BLK: variants seen among roughly 807,000 people sequenced by gnomAD.
BLK encodes tyrosine-protein kinase Blk.
Under a neutral mutation model 61.8 loss-of-function variants are expected in BLK, and 64 were observed. The observed-to-expected ratio is 1.03, with a 90% CI of 0.85 to 1.27. The LOEUF (loss-of-function observed/expected upper bound fraction) is 1.27. Among genes scored for constraint, BLK ranks in the 50% most tolerant of loss-of-function variants. The pLI is 0.00. For missense variants in BLK, 853 were observed against 660.5 expected (o/e 1.29, Z -3.19); for synonymous variants, 351 against 272.0 (o/e 1.29, Z -2.86).
chr8:11,552,883 C>T (rs1800974167), intron 6 of BLK: 1 of 152,552 alleles, frequency 6.6e-6, no homozygotes, highest in Non-Finnish European at 1.5e-5. Flanking sequence ...TCATCACCAC[C>T]ACACGCACAT....
chr8:11,559,480 CACAA>C (rs1801385457), intron 10 of BLK, among the ~76,000 whole-genome samples: 1 of 150,592 alleles, frequency 6.6e-6, no homozygotes, highest in Non-Finnish European at 1.5e-5. Flanking sequence ...CACAAACTCA[CACAA>C]ACACATTTAC....
intron 9 of BLK, 178 bp from the exon 10 acceptor site, chr8:11,557,784 T>G (rs1801302789): frequency 4.9e-6 from 3 of 613,554 alleles, no homozygotes; most frequent in Non-Finnish European, 9.0e-6. Context: ...GACTGGCATT[T>G]TGTAAAGTGG....
chr8:11,503,881 C>T (rs750567254), intron 1 of BLK, among the ~76,000 whole-genome samples: 12 of 152,190 alleles, frequency 7.9e-5, no homozygotes, highest in Non-Finnish European at 1.6e-4. Context: ...CGGCACTCCA[C>T]GTTGCCACCC....
intron 1 of BLK, among the ~76,000 whole-genome samples, chr8:11,517,473 C>T (rs185149852): frequency 3.3e-5 from 5 of 152,284 alleles, no homozygotes; most frequent in South Asian, 2.1e-4. Context: ...CTTTCCCTGG[C>T]CCCTTTTTGG....
At position 11,543,324 on chromosome 8, in the gene BLK, G is replaced by C. The variant is rs767040828; in HGVS notation, c.100G>C (p.Asp34His). 6.2e-7 allele frequency: 1 copy of C among 1,612,172 alleles called. No individual in the cohort carries two copies. Among genetic ancestry groups the C allele is most frequent in the Non-Finnish European group, 8.5e-7 (1 of 1,179,592 alleles). Residue 34 changes from aspartate (D) to histidine (H), a missense_variant, in exon 2 of 13, where the codon GAC becomes CAC. Coordinates refer to ENST00000259089, the MANE Select transcript of BLK (RefSeq NM_001715.3). Reference sequence around the variant, plus strand: ...CCTGAAGGTCAGCGCCCAAGACAAGGACGCCCCGCCACTGCCGCCCCTGGT... The same window carrying C: ...CCTGAAGGTCAGCGCCCAAGACAAGCACGCCCCGCCACTGCCGCCCCTGGT... ...SPLKVSAQDKDAPPLPPLVVF... is the reference protein window; with the variant it reads ...SPLKVSAQDKHAPPLPPLVVF...
At chr8:11,512,400 C>T (rs1243946618) in intron 1 of BLK, among the ~76,000 whole-genome samples, 1 of 152,192 alleles carries the variant, frequency 6.6e-6, no homozygotes, top group Non-Finnish European at 1.5e-5. Context: ...ACCCTGAAAT[C>T]ACTCTGACGA....
intron 1 of BLK, among the ~76,000 whole-genome samples, chr8:11,521,047 T>C (rs1366530197): frequency 2.0e-5 from 3 of 152,104 alleles, no homozygotes; most frequent in Non-Finnish European, 4.4e-5. Flanking sequence ...TGAAACTGTA[T>C]CATTAAACTG....
intron 1 of BLK, among the ~76,000 whole-genome samples, chr8:11,537,458 A>G (rs1800180256): frequency 6.6e-6 from 1 of 152,196 alleles, no homozygotes; most frequent in African/African-American, 2.4e-5. Flanking sequence ...AGCACATAAC[A>G]TGGCAAGGCT....
intron 1 of BLK, among the ~76,000 whole-genome samples, chr8:11,530,699 C>G (rs1356729605): frequency 1.4e-5 from 2 of 145,710 alleles, no homozygotes; most frequent in African/African-American, 5.1e-5. Context: ...GTTTTCTTTA[C>G]TCTGAAAAAC....
chr8:11,562,963 A>T lies in BLK; in HGVS notation c.1181-16A>T. On this transcript the variant is annotated splice_polypyrimidine_tract_variant and intron_variant, in intron 11 of 12. Coordinates refer to ENST00000259089, the MANE Select transcript of BLK (RefSeq NM_001715.3). Reference sequence around the variant, plus strand: ...CCGGCCGTGGCCTCCCAAAGCTTGCATGGCTTTTCCCACAGGGGCCAAGTT... The same window carrying T: ...CCGGCCGTGGCCTCCCAAAGCTTGCTTGGCTTTTCCCACAGGGGCCAAGTT... 6.2e-7 allele frequency: 1 copy of T among 1,613,946 alleles called. No homozygotes were observed. Among genetic ancestry groups the T allele is most frequent in the Non-Finnish European group, 8.5e-7 (1 of 1,179,986 alleles).
At position 11,494,388 on chromosome 8, in the gene BLK, G is replaced by C. The variant is rs2117215577; in HGVS notation, c.-205G>C. 1 of 152,426 alleles carries C rather than the reference G, an allele frequency of 6.6e-6. No homozygotes were observed. The highest frequency in any genetic ancestry group is 3.4e-3 in the Middle Eastern group (1 of 296). 9.4% of individuals were successfully genotyped at this position (152,426 alleles called of 1,614,324 possible). On this transcript the variant is annotated 5_prime_UTR_variant, in exon 1 of 13. Coordinates refer to ENST00000259089, the MANE Select transcript of BLK (RefSeq NM_001715.3). ...GGGGACTGGGGAGGCTCTGATCGCA[G>C]ACCGGGGGTGCTGCCACCTCTGTCT... is the stretch of plus-strand genomic sequence containing the variant.
rs1275610871 is a variant in BLK at position 11,550,276 on chromosome 8, C to A, written c.472+14C>A. ...AAACCAACAAAGGTAGGCTTGGTGG[C>A]TTTGCCTGCCTTCCTTGCCCTGCTC... On this transcript the variant is annotated intron_variant, in intron 6 of 12. Coordinates refer to ENST00000259089, the MANE Select transcript of BLK (RefSeq NM_001715.3). The A allele has an allele frequency of 1.2e-6, 2 of 1,611,990 alleles. No individual in the cohort carries two copies. The highest frequency in any genetic ancestry group is 1.7e-6 in the Non-Finnish European group (2 of 1,178,830).
intron 10 of BLK, chr8:11,560,087 T>C (rs1801419891): frequency 7.4e-6 from 2 of 271,562 alleles, no homozygotes; most frequent in Admixed American, 5.2e-5. Context: ...TAAATGAGTA[T>C]TGATTGCATG....
At chr8:11,559,102 T>G (rs540427878) in intron 10 of BLK, 16 of 431,588 alleles carry the variant, frequency 3.7e-5, no homozygotes, top group South Asian at 2.7e-4. Flanking sequence ...TGTCTCCTAT[T>G]CAATCCCCAC....
At chr8:11,503,795 C>G (rs963560281) in intron 1 of BLK, among the ~76,000 whole-genome samples, 11 of 152,148 alleles carry the variant, frequency 7.2e-5, no homozygotes, top group African/African-American at 2.4e-4. Context: ...GCTGAGGCTG[C>G]TGGCTGCCCT....
At chr8:11,537,379 G>A (rs926732154) in intron 1 of BLK, among the ~76,000 whole-genome samples, 3 of 152,128 alleles carry the variant, frequency 2.0e-5, no homozygotes, top group Non-Finnish European at 4.4e-5. Flanking sequence ...TTTGCCAGTA[G>A]GTACCCCTGT....
intron 1 of BLK, among the ~76,000 whole-genome samples, chr8:11,511,727 G>C (rs4841545): frequency 0.29 from 44,489 of 152,036 alleles, 6,961 homozygotes; most frequent in Middle Eastern, 0.41. Context: ...CAACAAAAAG[G>C]AGAAAATTAT....
chr8:11,536,866 C>G (rs986439369), intron 1 of BLK, among the ~76,000 whole-genome samples: 5 of 152,242 alleles, frequency 3.3e-5, no homozygotes, highest in Admixed American at 6.5e-5. Context: ...CCAGGCCTCT[C>G]TTTGGTACAG....
intron 4 of BLK, among the ~76,000 whole-genome samples, 198 bp downstream of exon 4, chr8:11,548,323 A>G (rs1388448084): frequency 1.3e-5 from 2 of 152,094 alleles, no homozygotes; most frequent in African/African-American, 4.8e-5. Flanking sequence ...AGTAATTTCC[A>G]TTCACAACCT....
Sources: allele counts gnomAD v4.1 joint callset (sites outside exome capture counted in the v4.1 genomes callset), GRCh38; gene constraint gnomAD v4.1.1; transcripts MANE v1.5; gene names NCBI Gene and HGNC (gene_info 2026-07-23, HGNC 2026-07-21).